ZNF608: variants seen among roughly 807,000 people sequenced by gnomAD.
The protein encoded by ZNF608 is renal carcinoma antigen NY-REN-36.
A neutral mutation model predicts 109.0 loss-of-function variants in ZNF608; 12 were observed. That is an observed-to-expected ratio of 0.11 (90% CI 0.07 to 0.18). The LOEUF is 0.18. Ranked by LOEUF, ZNF608 falls within the 10% of genes least tolerant of loss-of-function variation. The pLI is 1.00. For synonymous variants in ZNF608, 732 were observed against 717.4 expected, an observed-to-expected ratio of 1.02 and a Z score of -0.33; for missense variants, 1,707 against 1,879.3, an observed-to-expected ratio of 0.91 and a Z score of 1.70.
chr5:124,673,095 G>A (rs1028956676), intron 3 of ZNF608, among the ~76,000 whole-genome samples: 3 of 152,156 alleles, frequency 2.0e-5, no homozygotes, highest in Non-Finnish European at 4.4e-5. Flanking sequence ...TAGCCAATGA[G>A]GGGGCCTAAC....
At chr5:124,739,586 C>G (rs1749295715) in intron 2 of ZNF608, among the ~76,000 whole-genome samples, 1 of 152,146 alleles carries the variant, frequency 6.6e-6, no homozygotes, top group African/African-American at 2.4e-5. Flanking sequence ...ACTGTATAAC[C>G]ATTATAAAGT....
At chr5:124,718,444 G>A (rs1753787672) in intron 2 of ZNF608, among the ~76,000 whole-genome samples, 1 of 152,198 alleles carries the variant, frequency 6.6e-6, no homozygotes, top group Non-Finnish European at 1.5e-5. Flanking sequence ...TTTATCAAGT[G>A]TGATTTATAA....
chr5:124,660,334 C>T (rs1272516816), intron 3 of ZNF608, among the ~76,000 whole-genome samples: 1 of 152,166 alleles, frequency 6.6e-6, no homozygotes, highest in Non-Finnish European at 1.5e-5. Flanking sequence ...TCAGTTTCAC[C>T]TTTGGCGGCA....
chr5:124,677,711 G>A (rs1377493120), intron 3 of ZNF608, among the ~76,000 whole-genome samples: 1 of 152,048 alleles, frequency 6.6e-6, no homozygotes, highest in Non-Finnish European at 1.5e-5. Context: ...TCTCAATAGG[G>A]CTCCTAAAAA....
At chr5:124,741,441 C>G (rs915307523) in intron 2 of ZNF608, among the ~76,000 whole-genome samples, 3 of 151,718 alleles carry the variant, frequency 2.0e-5, no homozygotes, top group East Asian at 3.9e-4. Flanking sequence ...ATACACTCCC[C>G]CCTTTGGTTT....
intron 7 of ZNF608, 32 bp from the exon 8 acceptor site, chr5:124,641,437 A>G: frequency 1.9e-6 from 3 of 1,583,808 alleles, no homozygotes; most frequent in Non-Finnish European, 2.6e-6. Flanking sequence ...TTCCCCCTTC[A>G]TGCTCTGAAA....
Position 124,704,743 on chromosome 5 carries a change from A to G in ZNF608, c.907-3474T>C, listed in dbSNP as rs183980490. Among the ~76,000 whole-genome samples, 134 of 152,234 alleles carry G rather than the reference A, an allele frequency of 8.8e-4. 2 individuals carry two copies. Among genetic ancestry groups the G allele is most frequent in the Admixed American group, 7.3e-3 (112 of 15,292 alleles). On this transcript the variant is annotated intron_variant, in intron 2 of 9. Coordinates refer to ENST00000513986, the MANE Select transcript of ZNF608 (RefSeq NM_020747.3). ...GCAGCCTTGCCACGTGACTTGCCCA[A>G]CCAGAGAATGCTGGAGTTTGTGCTT...
At chr5:124,748,652 C>T (rs1215522664), upstream of ZNF608, 1 of 819,074 alleles carries the variant, frequency 1.2e-6, no homozygotes, top group Admixed American at 6.2e-5. Context: ...GAAGATGGAC[C>T]ATCAAATGTC....
chr5:124,713,777 G>T (rs746711073), intron 2 of ZNF608, among the ~76,000 whole-genome samples: 24 of 152,170 alleles, frequency 1.6e-4, no homozygotes, highest in Non-Finnish European at 2.9e-4. Flanking sequence ...TTGGTGGAGA[G>T]GGGGAGGGGA....
chr5:124,714,704 C>G (rs1753627668), intron 2 of ZNF608, among the ~76,000 whole-genome samples: 1 of 152,218 alleles, frequency 6.6e-6, no homozygotes, highest in South Asian at 2.1e-4. Flanking sequence ...AAGTGCTCAA[C>G]AAATGTTAGT....
intron 3 of ZNF608, among the ~76,000 whole-genome samples, chr5:124,664,545 GT>G (rs36080647): frequency 0.13 from 20,281 of 152,036 alleles, 1,443 homozygotes; most frequent in East Asian, 0.22. Context: ...AAGAATAAGT[GT>G]TTTTTATACA....
intron 2 of ZNF608, among the ~76,000 whole-genome samples, chr5:124,713,481 A>G (rs992124663): frequency 3.2e-4 from 49 of 152,220 alleles, no homozygotes; most frequent in African/African-American, 1.2e-3. Context: ...GTGGAATGTT[A>G]TTCTCTCCCA....
intron 3 of ZNF608, among the ~76,000 whole-genome samples, chr5:124,698,915 A>G (rs1042714721): frequency 1.3e-4 from 20 of 152,234 alleles, no homozygotes; most frequent in Admixed American, 3.9e-4. Context: ...TCTACCACCC[A>G]GTGAGGTCAC....
chr5:124,687,302 T>C (rs1580623648), intron 3 of ZNF608, among the ~76,000 whole-genome samples: 1 of 152,148 alleles, frequency 6.6e-6, no homozygotes, highest in Non-Finnish European at 1.5e-5. Flanking sequence ...GCTAACTAGA[T>C]GGTGTTGACA....
intron 3 of ZNF608, among the ~76,000 whole-genome samples, chr5:124,670,836 A>G (rs1464520131): frequency 6.6e-6 from 1 of 152,164 alleles, no homozygotes; most frequent in Non-Finnish European, 1.5e-5. Context: ...GTCAGCCCTT[A>G]TAAGTCGTTT....
upstream of ZNF608, chr5:124,748,541 T>C (rs997934800): frequency 1.0e-6 from 1 of 985,320 alleles, no homozygotes; most frequent in African/African-American, 1.7e-5. Flanking sequence ...ACGGTCTGTA[T>C]TGGATCGAGT....
intron 3 of ZNF608, among the ~76,000 whole-genome samples, chr5:124,693,129 C>A (rs185727337): frequency 3.6e-4 from 55 of 152,254 alleles, no homozygotes; most frequent in African/African-American, 1.3e-3. Flanking sequence ...GAATTATACA[C>A]CTTAAGTGCG....
chr5:124,656,602 T>C (rs1223016194), intron 3 of ZNF608, among the ~76,000 whole-genome samples: 1 of 152,094 alleles, frequency 6.6e-6, no homozygotes, highest in Non-Finnish European at 1.5e-5. Flanking sequence ...CAACAAAAAA[T>C]GAAACCTTAA....
chr5:124,709,170 C>CA (rs1156276798), intron 2 of ZNF608, among the ~76,000 whole-genome samples: 11,744 of 32,494 alleles, frequency 0.36, 3,183 homozygotes, highest in Non-Finnish European at 0.42. Flanking sequence ...GACTCTGTCT[C>CA]AAAAAAAAAA....
Sources: allele counts gnomAD v4.1 joint callset (sites outside exome capture counted in the v4.1 genomes callset), GRCh38; gene constraint gnomAD v4.1.1; transcripts MANE v1.5; gene names NCBI Gene and HGNC (gene_info 2026-07-23, HGNC 2026-07-21).